RTL4: variants seen among roughly 807,000 people sequenced by gnomAD.
RTL4 encodes retrotransposon Gag like 4, also known as retrotransposon Gag-like protein 4.
RTL4 carries 4 observed loss-of-function variants against 5.3 expected under a neutral mutation model. The observed-to-expected ratio is 0.75, with a 90% confidence interval of 0.37 to 1.72. The LOEUF (loss-of-function observed/expected upper bound fraction) is 1.72. Among genes scored for constraint, RTL4 ranks in the 40% most tolerant of loss-of-function variants. RTL4 has a pLI of 0.04. For missense variants in RTL4, 260 were observed against 227.1 expected, an observed-to-expected ratio of 1.14 and a Z score of -0.93; for synonymous variants, 98 against 87.3, an observed-to-expected ratio of 1.12 and a Z score of -0.68.
At chrX:112,105,952 TG>T in the RTL4 span, among the ~76,000 whole-genome samples, 1 of 112,029 alleles carries the variant, frequency 8.9e-6, no homozygotes, top group Non-Finnish European at 1.9e-5. Flanking sequence ...ATCCTCATTT[TG>T]TTCCTGATCT....
the RTL4 span, among the ~76,000 whole-genome samples, chrX:112,424,693 G>A: frequency 1.8e-5 from 2 of 111,058 alleles, no homozygotes; most frequent in East Asian, 5.6e-4. Context: ...TCTAACATAT[G>A]GGAAAGGTAT....
At chrX:112,305,051 G>A in the RTL4 span, among the ~76,000 whole-genome samples, 9 of 110,864 alleles carry the variant, frequency 8.1e-5, no homozygotes. Context: ...GATCTCGGCT[G>A]GGTAGATCTG....
At chrX:112,417,229 G>A in the RTL4 span, among the ~76,000 whole-genome samples, 1 of 111,686 alleles carries the variant, frequency 9.0e-6, no homozygotes, top group Non-Finnish European at 1.9e-5. Flanking sequence ...ACAGATTGAA[G>A]ATGGACCAGT....
the RTL4 span, among the ~76,000 whole-genome samples, chrX:112,218,549 C>T: frequency 8.9e-6 from 1 of 111,981 alleles, no homozygotes; most frequent in African/African-American, 3.2e-5. Flanking sequence ...TAGTTAAAGA[C>T]CAAGTAATTT....
the RTL4 span, among the ~76,000 whole-genome samples, chrX:112,180,578 G>A: frequency 1.8e-5 from 2 of 111,806 alleles, no homozygotes; most frequent in Non-Finnish European, 3.8e-5. Flanking sequence ...TAAATAACTA[G>A]TTAATGTGCG....
the RTL4 span, among the ~76,000 whole-genome samples, chrX:112,162,198 C>T: frequency 9.0e-6 from 1 of 110,888 alleles, no homozygotes; most frequent in South Asian, 3.8e-4. Flanking sequence ...ACAACAATAA[C>T]AACAAAACCA....
At chrX:112,426,057 T>C in the RTL4 span, among the ~76,000 whole-genome samples, 1 of 111,705 alleles carries the variant, frequency 9.0e-6, no homozygotes, top group South Asian at 3.6e-4. Flanking sequence ...AGTTTTATTG[T>C]TTTTCATTTT....
chrX:112,298,807 G>A, the RTL4 span, among the ~76,000 whole-genome samples: 5 of 112,328 alleles, frequency 4.5e-5, no homozygotes, highest in East Asian at 8.4e-4. Context: ...AGCTTTCACC[G>A]GCACTCAGGT....
the RTL4 span, among the ~76,000 whole-genome samples, chrX:112,435,420 G>A: frequency 8.9e-6 from 1 of 112,094 alleles, no homozygotes; most frequent in South Asian, 3.7e-4. Flanking sequence ...AACCTTTTTT[G>A]CAGTTACTAT....
the RTL4 span, among the ~76,000 whole-genome samples, chrX:112,120,247 A>G: frequency 1.8e-5 from 2 of 112,269 alleles, no homozygotes; most frequent in African/African-American, 6.5e-5. Flanking sequence ...GAGTTTGCAC[A>G]TAAGTACATA....
the RTL4 span, among the ~76,000 whole-genome samples, chrX:112,156,038 T>C: frequency 2.7e-5 from 3 of 112,232 alleles, 1 homozygote; most frequent in African/African-American, 9.7e-5. Context: ...TATTGGCCAT[T>C]GTGTTGGCTA....
chrX:112,184,835 C>T, the RTL4 span, among the ~76,000 whole-genome samples: 5 of 112,054 alleles, frequency 4.5e-5, no homozygotes, highest in Admixed American at 2.8e-4. Flanking sequence ...GCTCTACCAT[C>T]CCTTCTTTCT....
the RTL4 span, among the ~76,000 whole-genome samples, chrX:112,239,314 C>G: frequency 9.0e-6 from 1 of 110,521 alleles, no homozygotes; most frequent in African/African-American, 3.3e-5. Context: ...CTATCCCTGC[C>G]TAATATCAAT....
chrX:112,332,311 A>G, the RTL4 span, among the ~76,000 whole-genome samples: 1 of 110,675 alleles, frequency 9.0e-6, no homozygotes, highest in Non-Finnish European at 1.9e-5. Flanking sequence ...ATACCATTTG[A>G]CCCAGCCATC....
chrX:112,414,043 T>G, the RTL4 span, among the ~76,000 whole-genome samples: 2 of 111,292 alleles, frequency 1.8e-5, no homozygotes, highest in Admixed American at 9.6e-5. Flanking sequence ...GTTTGAGTAA[T>G]AAATAAGAAT....
At chrX:112,226,055 C>G in the RTL4 span, among the ~76,000 whole-genome samples, 1 of 112,146 alleles carries the variant, frequency 8.9e-6, no homozygotes, top group Non-Finnish European at 1.9e-5. Flanking sequence ...CAAGCCAGTA[C>G]AAGCTGTCAC....
chrX:112,359,232 C>T, the RTL4 span, among the ~76,000 whole-genome samples: 1 of 111,498 alleles, frequency 9.0e-6, no homozygotes, highest in Non-Finnish European at 1.9e-5. Context: ...GCATAATAAT[C>T]ACATCAGGAT....
At chrX:112,124,680 GGAGGGGATTT>G in the RTL4 span, among the ~76,000 whole-genome samples, 1 of 99,615 alleles carries the variant, frequency 1.0e-5, no homozygotes, top group Non-Finnish European at 1.9e-5. Context: ...TTGTTGGGGG[GGAGGGGATTT>G]GAGGGGAGGG....
At chrX:112,421,649 C>G in the RTL4 span, among the ~76,000 whole-genome samples, 1 of 112,015 alleles carries the variant, frequency 8.9e-6, no homozygotes, top group African/African-American at 3.2e-5. Flanking sequence ...ACCTAACTAG[C>G]CTCCACAGTG....
Sources: allele counts gnomAD v4.1 joint callset (sites outside exome capture counted in the v4.1 genomes callset), GRCh38; gene constraint gnomAD v4.1.1; transcripts MANE v1.5; gene names NCBI Gene and HGNC (gene_info 2026-07-23, HGNC 2026-07-21).